The following ZNF317 variants were observed in gnomAD, a reference collection of about 807,000 sequenced individuals.
ZNF317 encodes KRAB-containing zinc finger protein 317.
A neutral mutation model predicts 23.4 loss-of-function variants in ZNF317; 17 were observed. The observed-to-expected ratio is 0.73, with a 90% CI of 0.50 to 1.09. ZNF317 has a LOEUF of 1.09. ZNF317 is among the 50% of genes least tolerant of loss of function. The probability of loss-of-function intolerance (pLI) is 0.00; values close to 1 mark genes in which losing one functional copy is unlikely to be tolerated. For missense variants in ZNF317, 679 were observed against 796.7 expected (o/e 0.85, Z 1.78); for synonymous variants, 317 against 314.9 (o/e 1.01, Z -0.07).
chr19:9,160,696 G>C lies in ZNF317; in HGVS notation c.1051G>C (p.Glu351Gln), dbSNP rs1411404381. ...KAFQHPSHLK[E>Q]HVRNHTGEKP... ...TTTCCAGCACCCCTCCCACCTCAAA[G>C]AGCACGTGAGGAATCACACGGGGGA... The change falls in exon 7 of 7, where the codon GAG becomes CAG. Residue 351 changes from glutamate to glutamine, a missense_variant. Transcript: ENST00000247956. The surrounding 1 kb of genome is among the most constrained non-coding windows in gnomAD (Gnocchi z 6.8). 1 of 1,614,068 alleles carries C rather than the reference G, an allele frequency of 6.2e-7. No homozygotes were observed. Among genetic ancestry groups the C allele is most frequent in the Admixed American group, 1.7e-5 (1 of 60,020 alleles).
chr19:9,150,747 C>T (rs2050729166), intron 1 of ZNF317, among the ~76,000 whole-genome samples: 1 of 152,156 alleles, frequency 6.6e-6, no homozygotes, highest in South Asian at 2.1e-4. Context: ...GATGATGTGT[C>T]AGGAGGTCAG....
intron 2 of ZNF317, 47 bp from the exon 3 acceptor site, chr19:9,156,565 G>A (rs1486187358): frequency 6.3e-7 from 1 of 1,590,642 alleles, no homozygotes; most frequent in Non-Finnish European, 8.5e-7. Flanking sequence ...GTTGTATTAT[G>A]AGACAGGGCA....
At chr19:9,142,545 T>TTTTC (rs2050642705) in intron 1 of ZNF317, among the ~76,000 whole-genome samples, 1 of 26,224 alleles carries the variant, frequency 3.8e-5, no homozygotes, top group African/African-American at 9.2e-4. Context: ...TAACAAGTGA[T>TTTTC]TTTTTTTTTT....
intron 1 of ZNF317, among the ~76,000 whole-genome samples, chr19:9,154,904 G>C (rs1382775311): frequency 6.6e-6 from 1 of 152,166 alleles, no homozygotes; most frequent in Non-Finnish European, 1.5e-5. Context: ...TATTTTGGCT[G>C]TTCTAGTTTT....
intron 1 of ZNF317, among the ~76,000 whole-genome samples, chr19:9,144,298 C>T (rs530142226): frequency 5.0e-4 from 76 of 152,232 alleles, no homozygotes; most frequent in Non-Finnish European, 8.8e-4. Context: ...CCACCGCGCC[C>T]GGCTCTTATT....
intron 1 of ZNF317, among the ~76,000 whole-genome samples, chr19:9,148,284 G>A (rs548505603): frequency 6.6e-6 from 1 of 152,300 alleles, no homozygotes; most frequent in South Asian, 2.1e-4. Flanking sequence ...AATCACTCAG[G>A]TGAGAACTTG....
At chr19:9,156,553 GTGT>G in intron 2 of ZNF317, 56 bp from the exon 3 acceptor site, 2 of 1,576,014 alleles carry the variant, frequency 1.3e-6, no homozygotes, top group Non-Finnish European at 1.7e-6. Context: ...TGGTTTACAA[GTGT>G]TGTATTATGA....
chr19:9,143,705 G>T (rs1309177293), intron 1 of ZNF317, among the ~76,000 whole-genome samples: 1 of 150,134 alleles, frequency 6.7e-6, no homozygotes, highest in Admixed American at 6.6e-5. Flanking sequence ...GAGAGCTCTG[G>T]TGGTGGCTTC....
At chr19:9,154,424 T>C (rs76780733) in intron 1 of ZNF317, among the ~76,000 whole-genome samples, 3 of 152,136 alleles carry the variant, frequency 2.0e-5, no homozygotes, top group African/African-American at 4.8e-5. Flanking sequence ...CTTTTTTTTT[T>C]CAATTCTATC....
rs2050802880 is a variant in ZNF317, at chr19:9,157,872, C to T, written c.290-108C>T. ...ACCATTTTGCTGCTCCTAAGTCAGACTTGTCCACCCTCAGAACACTGAAGA... is the reference window on the plus strand; with the variant it reads ...ACCATTTTGCTGCTCCTAAGTCAGATTTGTCCACCCTCAGAACACTGAAGA... On this transcript the variant is annotated intron_variant, in intron 4 of 6. Coordinates refer to ENST00000247956, the MANE Select transcript of ZNF317 (RefSeq NM_020933.5). 2.1e-6 allele frequency: 3 copies of T among 1,419,728 alleles called. No individual in the cohort carries two copies. The African/African-American group carries it at 4.4e-5, about 21-fold the overall frequency. The allele number at this position is 1,419,728 out of a possible 1,614,324, so 87.9% of individuals were successfully genotyped here. A position where few individuals can be genotyped will look rare whatever the true frequency, so the allele number is the denominator to read the frequency against.
At chr19:9,145,835 C>G (rs1165255059) in intron 1 of ZNF317, among the ~76,000 whole-genome samples, 1 of 152,160 alleles carries the variant, frequency 6.6e-6, no homozygotes, top group African/African-American at 2.4e-5. Flanking sequence ...GAAACTTCAG[C>G]CTTCATAAAA....
At chr19:9,143,929 T>TC (rs1195506562) in intron 1 of ZNF317, among the ~76,000 whole-genome samples, 1 of 151,498 alleles carries the variant, frequency 6.6e-6, no homozygotes, top group Non-Finnish European at 1.5e-5. Context: ...CTTTCTTTTT[T>TC]TTTTTTTTTA....
chr19:9,161,077 G>A lies in ZNF317; in HGVS notation c.1432G>A (p.Ala478Thr), dbSNP rs756994764. Reference protein sequence around the residue: ...HTQERRYECAACGKVFGDYLS... With the variant: ...HTQERRYECATCGKVFGDYLS... ...GCAAGAGAGACGCTACGAATGCGCC[G>A]CCTGCGGGAAAGTCTTCGGTGACTA... The change falls in exon 7 of 7, where the codon GCC (alanine) becomes ACC (threonine). Residue 478 changes from alanine to threonine, a missense_variant. Coordinates refer to ENST00000247956, the MANE Select transcript of ZNF317 (RefSeq NM_020933.5). The surrounding 1 kb of genome is among the most constrained non-coding windows in gnomAD (Gnocchi z 4.0). 9.3e-6 allele frequency: 15 copies of A among 1,614,182 alleles called. No homozygotes were observed. The highest frequency in any genetic ancestry group is 1.6e-4 in the Middle Eastern group (1 of 6,062).
intron 1 of ZNF317, among the ~76,000 whole-genome samples, chr19:9,155,466 C>G (rs145197654): frequency 2.0e-5 from 3 of 152,230 alleles, no homozygotes; most frequent in African/African-American, 4.8e-5. Flanking sequence ...GAGGCTGATT[C>G]TAGTGATGAT....
chr19:9,158,013 A>G lies in ZNF317; in HGVS notation c.323A>G (p.His108Arg). Residue 108 changes from histidine (H) to arginine (R), a missense_variant, in exon 5 of 7, where the codon CAC (histidine) becomes CGC (arginine). By Grantham distance (29) the His-to-Arg change is conservative (BLOSUM62 0). Transcript: ENST00000247956. ...YQVGKPSLIS[H>R]LEQEEEPRTE... ...GTCGGCAAACCCAGCCTCATCTCAC[A>G]CTTGGAGCAGGAGGAGGAGCCGAGG... 1 of 1,551,498 alleles carries G rather than the reference A, an allele frequency of 6.4e-7. No individual in the cohort carries two copies. Among genetic ancestry groups the G allele is most frequent in the Non-Finnish European group, 8.7e-7 (1 of 1,146,912 alleles).
In ZNF317 at chr19:9,158,054, G is replaced by A. The variant is rs549120563; in HGVS notation, c.364G>A (p.Ala122Thr). The change falls in exon 5 of 7, where the codon GCT becomes ACT. Residue 122 changes from alanine to threonine, a missense_variant. By Grantham distance (58) the Ala-to-Thr change is moderately conservative. Coordinates refer to ENST00000247956, the MANE Select transcript of ZNF317 (RefSeq NM_020933.5). ...EEEPRTEERG[A>T]HQGACADWET... Reference sequence around the variant, plus strand: ...GGAGCCGAGGACAGAGGAGAGGGGCGCTCACCAGGGCGCTTGTGCAGGTGA... The same window carrying A: ...GGAGCCGAGGACAGAGGAGAGGGGCACTCACCAGGGCGCTTGTGCAGGTGA... The A allele has an allele frequency of 2.3e-5, 36 of 1,551,048 alleles. No individual in the cohort carries two copies. The highest frequency in any genetic ancestry group is 1.7e-4 in the Middle Eastern group (1 of 5,978).
chr19:9,161,282 A>G lies in ZNF317; in HGVS notation c.1637A>G (p.Asn546Ser). The G allele has an allele frequency of 6.2e-7, 1 of 1,613,502 alleles. No individual in the cohort carries two copies. The highest frequency in any genetic ancestry group is 1.7e-5 in the Admixed American group (1 of 59,970). ...GCCTTCAGCATAGGCTCCAACCTGA[A>G]TGTGCACAGGCGGATCCACACCGGG... ...GKAFSIGSNL[N>S]VHRRIHTGEK... is the part of the protein sequence containing the mutation. Residue 546 changes from asparagine (N) to serine (S), a missense_variant, in exon 7 of 7, where the codon AAT (asparagine) becomes AGT (serine). Physicochemically the swap from Asn to Ser is conservative, Grantham distance 46. Transcript: ENST00000247956. The surrounding 1 kb of genome is among the most constrained non-coding windows in gnomAD (Gnocchi z 4.0).
chr19:9,148,062 G>A (rs2050703675), intron 1 of ZNF317, among the ~76,000 whole-genome samples: 1 of 152,048 alleles, frequency 6.6e-6, no homozygotes, highest in African/African-American at 2.4e-5. Context: ...CATATGCTTT[G>A]CCTGCTTCCC....
intron 4 of ZNF317, chr19:9,157,682 T>C (rs7257030): frequency 2.1e-4 from 9 of 42,012 alleles, no homozygotes; most frequent in Non-Finnish European, 4.1e-4. Context: ...TTCCTATTTC[T>C]TTTTTTTTTT....
Sources: allele counts gnomAD v4.1 joint callset (sites outside exome capture counted in the v4.1 genomes callset), GRCh38; gene constraint gnomAD v4.1.1; non-coding constraint Gnocchi (gnomAD v3.1); transcripts MANE v1.5; gene names NCBI Gene and HGNC (gene_info 2026-07-23, HGNC 2026-07-21).